ZNF723: variants seen among roughly 807,000 people sequenced by gnomAD.
The protein encoded by ZNF723 is zinc finger protein 723, also known as zinc finger protein 723, pseudogene.
ZNF723 carries 5 observed loss-of-function variants against 9.4 expected under a neutral mutation model. That is an observed-to-expected ratio of 0.53 (90% CI 0.28 to 1.12). The LOEUF (loss-of-function observed/expected upper bound fraction) is 1.12. ZNF723 is among the 50% of genes most tolerant of loss of function. The pLI, the probability that ZNF723 is intolerant of heterozygous loss-of-function variation, is 0.10. For missense variants in ZNF723, 450 were observed against 501.5 expected (o/e 0.90, Z 0.98); for synonymous variants, 158 against 168.8 (o/e 0.94, Z 0.49).
intron 1 of ZNF723, among the ~76,000 whole-genome samples, chr19:22,833,208 C>A (rs2569725): frequency 0.19 from 28,264 of 151,826 alleles, 3,058 homozygotes; most frequent in African/African-American, 0.3. Context: ...ACTGGAGTAC[C>A]GTGGCGCAAT....
chr19:22,817,732 A>G, the ZNF723 span, among the ~76,000 whole-genome samples: 1 of 152,332 alleles, frequency 6.6e-6, no homozygotes, highest in East Asian at 1.9e-4. Context: ...GAATTAGCCA[A>G]TAGAAGAAAT....
At chr19:22,814,716 T>A in the ZNF723 span, among the ~76,000 whole-genome samples, 1 of 152,206 alleles carries the variant, frequency 6.6e-6, no homozygotes, top group Non-Finnish European at 1.5e-5. Context: ...CACATGTGAT[T>A]GTGACATATG....
At position 22,858,609 on chromosome 19, in the gene ZNF723, A is replaced by C; in HGVS notation, c.*176A>C. ...TGAAACAACGTCTCTACTAAAATACAAAAAAAATTAGCCGGGTGTAGTGGT... is the reference window on the plus strand; with the variant it reads ...TGAAACAACGTCTCTACTAAAATACCAAAAAAATTAGCCGGGTGTAGTGGT... On this transcript the variant is annotated 3_prime_UTR_variant, in exon 4 of 4. Coordinates refer to ENST00000600766, the MANE Select transcript of ZNF723 (RefSeq NM_001349726.2). 1 of 408,268 alleles carries C rather than the reference A, an allele frequency of 2.4e-6. No homozygotes were observed. Among genetic ancestry groups the C allele is most frequent in the Non-Finnish European group, 4.3e-6 (1 of 232,348 alleles). 25.3% of individuals were successfully genotyped at this position (408,268 alleles called of 1,614,324 possible). A position where few individuals can be genotyped will look rare whatever the true frequency, so the allele number is the denominator to read the frequency against.
the ZNF723 span, among the ~76,000 whole-genome samples, chr19:22,822,035 G>A: frequency 1.1e-4 from 16 of 152,254 alleles, no homozygotes; most frequent in African/African-American, 3.1e-4. Flanking sequence ...ACTTGAACCC[G>A]GGTGGCAGAG....
At chr19:22,856,170 A>T (rs1967476064) in intron 3 of ZNF723, among the ~76,000 whole-genome samples, 1 of 152,184 alleles carries the variant, frequency 6.6e-6, no homozygotes. Flanking sequence ...CATGTTAGCC[A>T]GTATGGTCTT....
the ZNF723 span, among the ~76,000 whole-genome samples, chr19:22,816,200 G>A: frequency 1.3e-5 from 2 of 152,276 alleles, no homozygotes; most frequent in African/African-American, 4.8e-5. Context: ...AGCACAGCAC[G>A]CAGGTGAGAT....
In ZNF723 at chr19:22,857,472, A is replaced by T; in HGVS notation, c.581A>T (p.Asn194Ile). The T allele has an allele frequency of 9.2e-7, 1 of 1,087,226 alleles. No homozygotes were observed. Among genetic ancestry groups the T allele is most frequent in the Non-Finnish European group, 1.4e-6 (1 of 706,280 alleles). The allele number at this position is 1,087,226 out of a possible 1,614,324, so 67.3% of individuals were successfully genotyped here. ...TCACACCTAACTAAACATGAAAGAA[A>T]TCATACTAGAGTGAATTGTTACAAA... Reference protein sequence around the residue: ...MLSHLTKHERNHTRVNCYKCE... With the variant: ...MLSHLTKHERIHTRVNCYKCE... The change falls in exon 4 of 4, where the codon AAT becomes ATT. Residue 194 changes from asparagine (N) to isoleucine (I), a missense_variant. Physicochemically the swap from Asn to Ile is moderately radical, Grantham distance 149. This residue lies in a region of ZNF723 where 143 missense variants were observed against 101.3 expected (regional missense o/e 1.41). Transcript: ENST00000600766.
intron 3 of ZNF723, among the ~76,000 whole-genome samples, chr19:22,850,756 C>T (rs572839958): frequency 4.6e-5 from 7 of 152,058 alleles, no homozygotes; most frequent in Non-Finnish European, 8.8e-5. Flanking sequence ...TTTTTAGATA[C>T]GTTTTTTCTC....
chr19:22,835,868 T>C (rs1967158638), intron 1 of ZNF723, among the ~76,000 whole-genome samples: 1 of 152,184 alleles, frequency 6.6e-6, no homozygotes, highest in Admixed American at 6.6e-5. Context: ...TTAGGAATGT[T>C]CCCATATGAT....
chr19:22,845,511 T>C (rs561930317), intron 1 of ZNF723, among the ~76,000 whole-genome samples: 8 of 152,260 alleles, frequency 5.3e-5, no homozygotes, highest in African/African-American at 1.7e-4. Flanking sequence ...TTTCACCTGT[T>C]TACTACAGGG....
chr19:22,829,607 A>G (rs752822697), upstream of ZNF723, among the ~76,000 whole-genome samples: 5 of 152,204 alleles, frequency 3.3e-5, no homozygotes, highest in Non-Finnish European at 7.3e-5. Flanking sequence ...TTTGATGACA[A>G]CAGAGTGATA....
rs1237595744 is a variant in ZNF723, at chr19:22,858,280, C to G, written c.1389C>G (p.Asn463Lys). 2 of 1,263,818 alleles carry G rather than the reference C, an allele frequency of 1.6e-6. No homozygotes were observed. Among genetic ancestry groups the G allele is most frequent in the African/African-American group, 2.9e-5 (2 of 68,184 alleles). 78.3% of individuals were successfully genotyped at this position (1,263,818 alleles called of 1,614,324 possible). A position where few individuals can be genotyped will look rare whatever the true frequency, so the allele number is the denominator to read the frequency against. ...GTGAAGAATGTGGCAAAGCTTTTAA[C>G]CAATATTCAACCCTTAATAAACATA... ...YKCEECGKAF[N>K]QYSTLNKHKI... The change falls in exon 4 of 4, where the codon AAC (asparagine) becomes AAG (lysine). Residue 463 changes from asparagine (N) to lysine (K), a missense_variant. This residue lies in a region of ZNF723 where 237 missense variants were observed against 332.2 expected (regional missense o/e 0.71). Transcript: ENST00000600766.
the ZNF723 span, among the ~76,000 whole-genome samples, chr19:22,820,063 G>A: frequency 5.3e-5 from 8 of 152,106 alleles, no homozygotes; most frequent in Non-Finnish European, 1.0e-4. Context: ...AAGCACCCAG[G>A]TGATGTGACT....
intron 1 of ZNF723, among the ~76,000 whole-genome samples, chr19:22,847,819 G>A (rs542797757): frequency 4.0e-5 from 6 of 151,626 alleles, no homozygotes; most frequent in South Asian, 4.2e-4. Flanking sequence ...AATTATTTTC[G>A]GCCAGGCGTG....
chr19:22,832,270 G>A, upstream of ZNF723: 1 of 1,145,306 alleles, frequency 8.7e-7, no homozygotes. Context: ...GGACAGGGCG[G>A]CTTCCGGGAT....
At chr19:22,822,930 T>C in the ZNF723 span, among the ~76,000 whole-genome samples, 1 of 152,192 alleles carries the variant, frequency 6.6e-6, no homozygotes, top group African/African-American at 2.4e-5. Context: ...TTCTCACAAA[T>C]GGAAAAAGAC....
intron 1 of ZNF723, among the ~76,000 whole-genome samples, chr19:22,836,248 G>C (rs1262285957): frequency 6.6e-6 from 1 of 152,272 alleles, no homozygotes; most frequent in East Asian, 1.9e-4. Context: ...GCCCTGGAAA[G>C]CTGGGGACCC....
intron 3 of ZNF723, among the ~76,000 whole-genome samples, chr19:22,853,961 TCTATA>T (rs2145229929): frequency 6.6e-6 from 1 of 152,330 alleles, no homozygotes; most frequent in African/African-American, 2.4e-5. Flanking sequence ...AGGAGTGTTC[TCTATA>T]CTTCTTTTAG....
At position 22,837,095 on chromosome 19, in the gene ZNF723, C is replaced by T. The variant is rs146522052; in HGVS notation, c.3+4713C>T. Among the ~76,000 whole-genome samples, 218 of 151,948 alleles carry T rather than the reference C, an allele frequency of 1.4e-3. 4 individuals are homozygous for T. In the East Asian group the frequency reaches 0.024, roughly 17 times the overall value. On this transcript the variant is annotated intron_variant, in intron 1 of 3. Transcript: ENST00000600766. ...ATCCCTTGAAGTCAGGAATTCAAGA[C>T]GAGCCTGGCCAACATGGTGAAACCC...
Sources: allele counts gnomAD v4.1 joint callset (sites outside exome capture counted in the v4.1 genomes callset), GRCh38; gene constraint gnomAD v4.1.1; regional missense constraint gnomAD v4.1.1; transcripts MANE v1.5; gene names NCBI Gene and HGNC (gene_info 2026-07-23, HGNC 2026-07-21).